NDUFS4: variants seen among roughly 807,000 people sequenced by gnomAD.
NDUFS4 encodes NADH dehydrogenase [ubiquinone] iron-sulfur protein 4, mitochondrial.
Under a neutral mutation model 24.3 loss-of-function variants are expected in NDUFS4, and 28 were observed. That is an observed-to-expected ratio of 1.15 (90% confidence interval 0.85 to 1.58). The LOEUF is 1.58. Ranked by LOEUF, NDUFS4 falls within the 40% of genes most tolerant of loss-of-function variation. The pLI is 0.00. For synonymous variants in NDUFS4, 93 were observed against 69.7 expected (o/e 1.34, Z -1.67); for missense variants, 223 against 207.9 (o/e 1.07, Z -0.45).
In NDUFS4 at chr5:53,658,784, C is replaced by CAAA. The variant is rs35754713; in HGVS notation, c.424+178_424+180dup. 2,461 of 137,780 alleles carry CAAA rather than the reference C, an allele frequency of 0.018. 49 individuals are homozygous for CAAA. Among genetic ancestry groups the CAAA allele is most frequent in the African/African-American group, 0.048 (1,376 of 28,514 alleles). 8.5% of individuals were successfully genotyped at this position (137,780 alleles called of 1,614,324 possible). A position where few individuals can be genotyped will look rare whatever the true frequency, so the allele number is the denominator to read the frequency against. ...TTAACTACATCAGAACACCCACCTC[C>CAAA]AAAAAAAAAAAAAAAAAAAACCTAA... On this transcript the variant is annotated intron_variant, in intron 4 of 4. Coordinates refer to ENST00000296684, the MANE Select transcript of NDUFS4 (RefSeq NM_002495.4).
Position 53,560,657 on chromosome 5 carries a change from A to G in NDUFS4, c.-6A>G, listed in dbSNP as rs73754255. 6.2e-7 allele frequency: 1 copy of G among 1,614,262 alleles called. No individual in the cohort carries two copies. Among genetic ancestry groups the G allele is most frequent in the East Asian group, 2.2e-5 (1 of 44,882 alleles). ...TCCTTTCATCCTGGCGTTTGCCTGC[A>G]GCAAGATGGCGGCGGTGTCAATGTC... On this transcript the variant is annotated 5_prime_UTR_variant, in exon 1 of 5. Coordinates refer to ENST00000296684, the MANE Select transcript of NDUFS4 (RefSeq NM_002495.4).
intron 1 of NDUFS4, chr5:53,573,733 C>T (rs996680170): frequency 6.9e-6 from 2 of 291,196 alleles, no homozygotes; most frequent in Non-Finnish European, 1.3e-5. Context: ...CGACTATAGG[C>T]ATGTACCACT....
intron 4 of NDUFS4, among the ~76,000 whole-genome samples, chr5:53,662,922 A>G (rs1752390594): frequency 6.6e-6 from 1 of 151,838 alleles, no homozygotes; most frequent in Admixed American, 6.6e-5. Context: ...TTAGGGTGTC[A>G]ATTTTAGATC....
intron 3 of NDUFS4, among the ~76,000 whole-genome samples, chr5:53,654,777 T>G (rs985085848): frequency 4.6e-5 from 7 of 152,360 alleles, no homozygotes; most frequent in African/African-American, 1.7e-4. Flanking sequence ...CAATACCTTT[T>G]ATGCATGAAT....
intron 1 of NDUFS4, among the ~76,000 whole-genome samples, chr5:53,590,166 A>G (rs1355346579): frequency 6.6e-6 from 1 of 152,124 alleles, no homozygotes; most frequent in Non-Finnish European, 1.5e-5. Context: ...GTTTTGATTG[A>G]ATTAAGGGTC....
At chr5:53,598,958 G>T (rs1191900380) in intron 1 of NDUFS4, among the ~76,000 whole-genome samples, 1 of 152,148 alleles carries the variant, frequency 6.6e-6, no homozygotes, top group African/African-American at 2.4e-5. Context: ...CTGGAAATGT[G>T]AGCAGGCCAA....
intron 2 of NDUFS4, among the ~76,000 whole-genome samples, chr5:53,625,019 C>CA (rs1310962762): frequency 6.6e-6 from 1 of 152,098 alleles, no homozygotes; most frequent in Non-Finnish European, 1.5e-5. Flanking sequence ...AATCTTGTCT[C>CA]ACTGCAGCCT....
At chr5:53,627,086 C>G (rs1751252474) in intron 2 of NDUFS4, among the ~76,000 whole-genome samples, 1 of 152,154 alleles carries the variant, frequency 6.6e-6, no homozygotes, top group African/African-American at 2.4e-5. Context: ...GATCCAGTTT[C>G]AGCTTTCTAC....
intron 3 of NDUFS4, 59 bp downstream of exon 3, chr5:53,646,464 T>A: frequency 6.4e-7 from 1 of 1,559,466 alleles, no homozygotes; most frequent in Non-Finnish European, 8.8e-7. Context: ...TAGATCTTTC[T>A]TCTAAATATG....
chr5:53,665,098 G>T (rs1752474346), intron 4 of NDUFS4, among the ~76,000 whole-genome samples: 1 of 152,194 alleles, frequency 6.6e-6, no homozygotes. Flanking sequence ...GTCCACTCCA[G>T]ACCCTATTTG....
chr5:53,676,250 T>A (rs1338149566), intron 4 of NDUFS4, among the ~76,000 whole-genome samples: 1 of 152,184 alleles, frequency 6.6e-6, no homozygotes, highest in African/African-American at 2.4e-5. Flanking sequence ...ACAGACTTTA[T>A]GTATCTCTCA....
At chr5:53,635,312 G>A (rs574904068) in intron 2 of NDUFS4, among the ~76,000 whole-genome samples, 1 of 150,672 alleles carries the variant, frequency 6.6e-6, no homozygotes, top group African/African-American at 2.4e-5. Flanking sequence ...TGGAGTTCGA[G>A]ACCAGCCTAG....
chr5:53,649,370 T>G (rs557140008), intron 3 of NDUFS4, among the ~76,000 whole-genome samples: 2 of 152,098 alleles, frequency 1.3e-5, no homozygotes, highest in Non-Finnish European at 2.9e-5. Context: ...CCCTCTCCCC[T>G]CTATTGGAGT....
In NDUFS4 at chr5:53,653,590, T is replaced by C. The variant is rs528972924; in HGVS notation, c.351-4961T>C. ...AACTATAGATACATGTTTCCATATATAACATATAAGCGAGGAATGTTACCA... is the reference window on the plus strand; with the variant it reads ...AACTATAGATACATGTTTCCATATACAACATATAAGCGAGGAATGTTACCA... On this transcript the variant is annotated intron_variant, in intron 3 of 4. Transcript: ENST00000296684. 8.5e-5 allele frequency among the ~76,000 whole-genome samples: 13 copies of C among 152,200 alleles called. No homozygotes were observed. The South Asian group carries it at 1.7e-3, about 19-fold the overall frequency.
intron 4 of NDUFS4, among the ~76,000 whole-genome samples, chr5:53,665,857 C>T (rs1310025407): frequency 2.0e-5 from 3 of 152,314 alleles, no homozygotes; most frequent in South Asian, 2.1e-4. Flanking sequence ...TGATGCTCCC[C>T]AGTGAGATGA....
intron 1 of NDUFS4, among the ~76,000 whole-genome samples, chr5:53,575,973 A>G (rs1167931523): frequency 6.6e-6 from 1 of 152,248 alleles, no homozygotes; most frequent in Non-Finnish European, 1.5e-5. Context: ...GAAAATCATG[A>G]CTTTTATTTA....
chr5:53,670,621 TTA>T (rs140428140), intron 4 of NDUFS4, among the ~76,000 whole-genome samples: 99 of 148,098 alleles, frequency 6.7e-4, no homozygotes, highest in African/African-American at 1.1e-3. Flanking sequence ...AGGGTATACA[TTA>T]TATATATATA....
In NDUFS4 at chr5:53,677,321, AG is replaced by A. The variant is rs1740507304; in HGVS notation, c.425-5796del. Among the ~76,000 whole-genome samples, 4 of 152,322 alleles carry A rather than the reference AG, an allele frequency of 2.6e-5. No homozygotes were observed. In the South Asian group the frequency reaches 8.3e-4, roughly 32 times the overall value. The stretch of plus-strand genomic sequence containing the variant: ...GGTGGCAATACTCTACAGCAGGTGT[AG>A]AGTATTACTAATCTAACAAATATTT... On this transcript the variant is annotated intron_variant, in intron 4 of 4. Transcript: ENST00000296684.
At chr5:53,681,583 G>T (rs932132008) in intron 4 of NDUFS4, among the ~76,000 whole-genome samples, 4 of 152,012 alleles carry the variant, frequency 2.6e-5, no homozygotes, top group Admixed American at 2.0e-4. Flanking sequence ...CTATAGCTTT[G>T]TAACTTTAAT....
Sources: allele counts gnomAD v4.1 joint callset (sites outside exome capture counted in the v4.1 genomes callset), GRCh38; gene constraint gnomAD v4.1.1; transcripts MANE v1.5; gene names NCBI Gene and HGNC (gene_info 2026-07-23, HGNC 2026-07-21).